The following DPP10 variants were observed in gnomAD, a reference collection of about 807,000 sequenced individuals.
The protein encoded by DPP10 is dipeptidyl peptidase like 10, also known as inactive dipeptidyl peptidase 10.
Under a neutral mutation model 120.9 loss-of-function variants are expected in DPP10, and 33 were observed. The ratio of observed to expected loss-of-function variants is 0.27; its 90% confidence interval spans 0.21 to 0.37. The LOEUF (loss-of-function observed/expected upper bound fraction) is 0.37, where lower values mean the gene tolerates loss of function less well. DPP10 is among the 10% of genes least tolerant of loss of function. The pLI, the probability that DPP10 is intolerant of heterozygous loss-of-function variation, is 1.00. For missense variants in DPP10, 816 were observed against 942.8 expected (o/e 0.87, Z 1.76); for synonymous variants, 337 against 326.1 (o/e 1.03, Z -0.36).
chr2:115,462,306 G>T (rs960149539), intron 3 of DPP10, among the ~76,000 whole-genome samples: 1 of 152,100 alleles, frequency 6.6e-6, no homozygotes, highest in African/African-American at 2.4e-5. Context: ...AGTTACTGTT[G>T]TGCTTCCATC....
intron 1 of DPP10, among the ~76,000 whole-genome samples, chr2:114,717,683 T>G (rs1701441508): frequency 6.6e-6 from 1 of 152,178 alleles, no homozygotes; most frequent in Non-Finnish European, 1.5e-5. Flanking sequence ...CATAATCAGC[T>G]AAAGAAACAC....
chr2:114,747,351 T>G (rs1038283001), intron 1 of DPP10, among the ~76,000 whole-genome samples: 1 of 152,212 alleles, frequency 6.6e-6, no homozygotes, highest in African/African-American at 2.4e-5. Context: ...AACTATAAGA[T>G]CCTTTATTTA....
intron 1 of DPP10, among the ~76,000 whole-genome samples, chr2:114,750,365 G>A (rs1183260583): frequency 6.6e-6 from 1 of 150,478 alleles, no homozygotes; most frequent in Non-Finnish European, 1.5e-5. Context: ...ATGGAGTCTT[G>A]CTGTGTCGCC....
intron 1 of DPP10, among the ~76,000 whole-genome samples, chr2:114,738,632 T>C (rs1057256813): frequency 3.9e-5 from 6 of 152,286 alleles, no homozygotes; most frequent in Admixed American, 3.9e-4. Context: ...GGTGCATTCA[T>C]TGTTTAAAGC....
intron 13 of DPP10, among the ~76,000 whole-genome samples, chr2:115,772,607 G>A (rs1034000171): frequency 2.0e-5 from 3 of 152,058 alleles, no homozygotes; most frequent in African/African-American, 7.2e-5. Flanking sequence ...TGTACTTCCT[G>A]AGTCATACAC....
chr2:115,713,248 C>G (rs1402729127), intron 7 of DPP10, among the ~76,000 whole-genome samples: 1 of 151,990 alleles, frequency 6.6e-6, no homozygotes, highest in Non-Finnish European at 1.5e-5. Context: ...AAAGGAAGAC[C>G]TAGACGTCAG....
intron 5 of DPP10, among the ~76,000 whole-genome samples, chr2:115,620,391 T>G (rs2084854634): frequency 1.3e-5 from 2 of 152,208 alleles, no homozygotes; most frequent in Admixed American, 1.3e-4. Context: ...GGAGTAAGAT[T>G]GGTATAACAT....
chr2:115,443,438 C>G (rs972142056), intron 3 of DPP10, among the ~76,000 whole-genome samples: 3 of 151,876 alleles, frequency 2.0e-5, no homozygotes, highest in Non-Finnish European at 4.4e-5. Context: ...TTTATTCATT[C>G]GATATTTGAG....
At chr2:115,305,650 A>G (rs2061331249) in intron 1 of DPP10, among the ~76,000 whole-genome samples, 1 of 152,066 alleles carries the variant, frequency 6.6e-6, no homozygotes, top group South Asian at 2.1e-4. Flanking sequence ...AGGCAGGAAG[A>G]TGACTTGAGC....
intron 4 of DPP10, among the ~76,000 whole-genome samples, chr2:115,515,505 G>A (rs2077455595): frequency 1.3e-5 from 2 of 152,034 alleles, no homozygotes; most frequent in East Asian, 1.9e-4. Context: ...GTTTTCTGGT[G>A]TTTGAATTCC....
At chr2:115,789,821 T>C (rs904924055) in intron 17 of DPP10, among the ~76,000 whole-genome samples, 5 of 152,098 alleles carry the variant, frequency 3.3e-5, no homozygotes, top group Non-Finnish European at 7.4e-5. Context: ...AAATGCAAGA[T>C]TTAGGAGTAT....
chr2:115,323,402 C>T (rs1253724333), intron 2 of DPP10, among the ~76,000 whole-genome samples: 2 of 152,166 alleles, frequency 1.3e-5, no homozygotes, highest in East Asian at 1.9e-4. Context: ...CAGTTATTTC[C>T]TGCACTGAAG....
intron 2 of DPP10, among the ~76,000 whole-genome samples, chr2:115,316,619 C>A (rs1238678369): frequency 2.0e-5 from 3 of 152,064 alleles, no homozygotes; most frequent in Admixed American, 1.3e-4. Context: ...ACTTCAAATA[C>A]CCATGATAAA....
chr2:114,865,131 G>A (rs578206585), intron 1 of DPP10, among the ~76,000 whole-genome samples: 1 of 152,190 alleles, frequency 6.6e-6, no homozygotes, highest in African/African-American at 2.4e-5. Flanking sequence ...TGCTAGTAAA[G>A]TTGTGCTGTG....
At chr2:114,564,456 C>T (rs1159382483) in intron 1 of DPP10, among the ~76,000 whole-genome samples, 1 of 152,132 alleles carries the variant, frequency 6.6e-6, no homozygotes, top group Non-Finnish European at 1.5e-5. Flanking sequence ...CTACTCTTCC[C>T]CCTATTTCAT....
intron 5 of DPP10, among the ~76,000 whole-genome samples, chr2:115,615,160 A>AT (rs1442009788): frequency 1.3e-5 from 2 of 152,222 alleles, no homozygotes; most frequent in Admixed American, 1.3e-4. Context: ...GGAAAAAAAA[A>AT]AGCTTGATTA....
chr2:114,776,189 G>A (rs1447310315), intron 1 of DPP10, among the ~76,000 whole-genome samples: 1 of 152,200 alleles, frequency 6.6e-6, no homozygotes, highest in African/African-American at 2.4e-5. Flanking sequence ...TAGTTGTCAT[G>A]TAGTTGATCC....
At chr2:114,813,286 G>T (rs1412065901) in intron 1 of DPP10, among the ~76,000 whole-genome samples, 1 of 152,002 alleles carries the variant, frequency 6.6e-6, no homozygotes, top group Non-Finnish European at 1.5e-5. Flanking sequence ...TAACAAACTG[G>T]CTATAAACAT....
At chr2:115,446,272 G>T (rs925269161) in intron 3 of DPP10, among the ~76,000 whole-genome samples, 5 of 152,174 alleles carry the variant, frequency 3.3e-5, no homozygotes, top group Non-Finnish European at 7.4e-5. Context: ...TTGCTGCAGG[G>T]GCAGAACCCT....
Sources: allele counts gnomAD v4.1 joint callset (sites outside exome capture counted in the v4.1 genomes callset), GRCh38; gene constraint gnomAD v4.1.1; transcripts MANE v1.5; gene names NCBI Gene and HGNC (gene_info 2026-07-23, HGNC 2026-07-21).